Variants in MOV10 observed in about 807,000 individuals in gnomAD.
The protein encoded by MOV10 is RNA helicase MOV-10.
MOV10 carries 39 observed loss-of-function variants against 108.4 expected under a neutral mutation model. The ratio of observed to expected loss-of-function variants is 0.36; its 90% CI spans 0.28 to 0.47. The LOEUF is 0.47. Among genes scored for constraint, MOV10 ranks in the 20% least tolerant of loss-of-function variants. The pLI, the probability that MOV10 is intolerant of heterozygous loss-of-function variation, is 1.00. For synonymous variants in MOV10, 490 were observed against 523.1 expected (o/e 0.94, Z 0.86); for missense variants, 952 against 1,297.6 (o/e 0.73, Z 4.09).
intron 2 of MOV10, chr1:112,688,237 T>G (rs995250286): frequency 2.2e-6 from 1 of 451,838 alleles, no homozygotes; most frequent in African/African-American, 2.1e-5. Flanking sequence ...CCTCCGTAAG[T>G]GTTTGTTGAA....
Position 112,694,296 on chromosome 1 carries a change from G to C in MOV10, c.1295+124G>C, listed in dbSNP as rs1353820535. 1 of 1,435,262 alleles carries C rather than the reference G, an allele frequency of 7.0e-7. No individual in the cohort carries two copies. The highest frequency in any genetic ancestry group is 1.8e-5 in the Admixed American group (1 of 54,436). The allele number at this position is 1,435,262 out of a possible 1,614,324, so 88.9% of individuals were successfully genotyped here. ...GCAGAGCAGGAGACTTTTCCTCAGG[G>C]GTACCCTGAGATGCTACGGCAGCTT... On this transcript the variant is annotated intron_variant, in intron 8 of 20. Transcript: ENST00000369645. This position sits in a 1 kb window ranked among gnomAD's most constrained non-coding sequence, Gnocchi z 4.1.
Position 112,674,972 on chromosome 1 carries a change from C to T in MOV10, c.60C>T (p.Phe20=). 1.9e-6 allele frequency: 3 copies of T among 1,582,582 alleles called. No individual in the cohort carries two copies. The highest frequency in any genetic ancestry group is 2.6e-6 in the Non-Finnish European group (3 of 1,165,652). The change falls in exon 2 of 21, where the codon TTC becomes TTT. Residue 20 remains phenylalanine, a synonymous_variant. Coordinates refer to ENST00000369645, the MANE Select transcript of MOV10 (RefSeq NM_001321324.2). The part of the protein sequence containing the change: ...LREAGQCFES[F]LVVRGLDMET... ...AGGCGGGCCAGTGTTTCGAGAGTTT[C>T]CTGGTCGTTCGGGGACTGGACATGG...
chr1:112,698,703 C>A lies in MOV10; in HGVS notation c.2509-12C>A, dbSNP rs1416711469. On this transcript the variant is annotated splice_polypyrimidine_tract_variant and intron_variant, in intron 16 of 20. Transcript: ENST00000369645. ...ATGGCACGAGAGAAAGGCACCTGTC[C>A]CCTCCTTCCAGGTGGAGAAAATCCG... The A allele has an allele frequency of 6.2e-7, 1 of 1,612,430 alleles. No individual in the cohort carries two copies. The highest frequency in any genetic ancestry group is 2.2e-5 in the East Asian group (1 of 44,874).
chr1:112,686,417 CT>C (rs925710443), intron 2 of MOV10, among the ~76,000 whole-genome samples: 7 of 152,138 alleles, frequency 4.6e-5, no homozygotes, highest in African/African-American at 1.4e-4. Flanking sequence ...ATCCTGATAC[CT>C]GATTTTGAGA....
intron 2 of MOV10, chr1:112,688,625 C>T (rs1329226133): frequency 3.9e-6 from 5 of 1,269,140 alleles, no homozygotes; most frequent in Non-Finnish European, 5.0e-6. Context: ...TTATGTCTTT[C>T]TCTGTCTTCC....
At chr1:112,688,830 G>A in intron 2 of MOV10, 105 bp from the exon 3 acceptor site, 5 of 1,564,608 alleles carry the variant, frequency 3.2e-6, no homozygotes, top group Non-Finnish European at 4.3e-6. Flanking sequence ...AGCAGGGCTG[G>A]TGTGTCCAGC....
Position 112,690,045 on chromosome 1 carries a change from C to T in MOV10, c.783C>T (p.Ile261=). The change falls in exon 5 of 21, where the codon ATC becomes ATT. Residue 261 remains isoleucine, a synonymous_variant. Transcript: ENST00000369645. ...TGACTCCCTTCAAGCGGACCCGGATCACCGGAAACCCTGTGGTGACCAATC... is the reference window on the plus strand; with the variant it reads ...TGACTCCCTTCAAGCGGACCCGGATTACCGGAAACCCTGTGGTGACCAATC... The part of the protein sequence containing the change: ...KPMTPFKRTR[I]TGNPVVTNRI... 6.2e-7 allele frequency: 1 copy of T among 1,614,090 alleles called. No homozygotes were observed. The highest frequency in any genetic ancestry group is 8.5e-7 in the Non-Finnish European group (1 of 1,180,044).
chr1:112,695,070 G>A (rs1481977644), intron 10 of MOV10, among the ~76,000 whole-genome samples, 174 bp downstream of exon 10: 1 of 152,114 alleles, frequency 6.6e-6, no homozygotes, highest in Non-Finnish European at 1.5e-5. Context: ...AGCACTTGGG[G>A]AAGACTAGCC....
At position 112,694,387 on chromosome 1, in the gene MOV10, G is replaced by A. The variant is rs184988068; in HGVS notation, c.1296-66G>A. 1 of 1,595,214 alleles carries A rather than the reference G, an allele frequency of 6.3e-7. No individual in the cohort carries two copies. Among genetic ancestry groups the A allele is most frequent in the East Asian group, 2.2e-5 (1 of 44,758 alleles). ...GTTGGGACACTGGTTGGTGGAGAAAGTTCTGGCCCTTTATTGCCCACCTCC... is the reference window on the plus strand; with the variant it reads ...GTTGGGACACTGGTTGGTGGAGAAAATTCTGGCCCTTTATTGCCCACCTCC... On this transcript the variant is annotated intron_variant, in intron 8 of 20. Coordinates refer to ENST00000369645, the MANE Select transcript of MOV10 (RefSeq NM_001321324.2). The surrounding 1 kb of genome is among the most constrained non-coding windows in gnomAD (Gnocchi z 4.1).
intron 2 of MOV10, among the ~76,000 whole-genome samples, chr1:112,680,674 A>AAG (rs1553183530): frequency 6.7e-6 from 1 of 149,656 alleles, no homozygotes; most frequent in African/African-American, 2.4e-5. Context: ...AAAAAAAAAA[A>AAG]AAAACTTTTG....
At position 112,700,562 on chromosome 1, in the gene MOV10, C is replaced by G. The variant is rs763265949; in HGVS notation, c.*55C>G. 2 of 1,601,042 alleles carry G rather than the reference C, an allele frequency of 1.2e-6. No homozygotes were observed. Among genetic ancestry groups the G allele is most frequent in the African/African-American group, 1.3e-5 (1 of 74,596 alleles). On this transcript the variant is annotated 3_prime_UTR_variant, in exon 21 of 21. Transcript: ENST00000369645. ...CCAAGCCTTAACTGCCTGCCTGACCCTGAACCAGAACCCAGCTGAACTGCC... is the reference window on the plus strand; with the variant it reads ...CCAAGCCTTAACTGCCTGCCTGACCGTGAACCAGAACCCAGCTGAACTGCC...
intron 2 of MOV10, among the ~76,000 whole-genome samples, chr1:112,679,572 T>A (rs962542913): frequency 6.6e-6 from 1 of 151,992 alleles, no homozygotes; most frequent in South Asian, 2.1e-4. Flanking sequence ...TTGATGACAA[T>A]TCTGCAGATA....
In MOV10 at chr1:112,675,241, G is replaced by T. The variant is rs1345630907; in HGVS notation, c.137+192G>T. On this transcript the variant is annotated intron_variant, in intron 2 of 20. Coordinates refer to ENST00000369645, the MANE Select transcript of MOV10 (RefSeq NM_001321324.2). The surrounding 1 kb of genome is among the most constrained non-coding windows in gnomAD (Gnocchi z 4.7). ...GCCCCACCAGCGCCGCCCGGAGCCC[G>T]CCAGTTCTGCCCGAGCTGGGCCCCT... Among the ~76,000 whole-genome samples the T allele has an allele frequency of 6.6e-6, 1 of 151,958 alleles. No homozygotes were observed. The highest frequency in any genetic ancestry group is 1.5e-5 in the Non-Finnish European group (1 of 67,956).
Position 112,698,398 on chromosome 1 carries a change from C to T in MOV10, c.2428C>T (p.Leu810Phe), listed in dbSNP as rs1194451257. The change falls in exon 16 of 21, where the codon CTC becomes TTC. Residue 810 changes from leucine (L) to phenylalanine (F), a missense_variant. Physicochemically the swap from Leu to Phe is conservative, Grantham distance 22. Around this residue, in one of 5 missense-constraint regions of MOV10, gnomAD observed 453 missense variants for 611.5 expected, o/e 0.74. Transcript: ENST00000369645. ...CACAGTGACTTCCTACCTGAAGCTG[C>T]TCCTGGCCCCCTCCTCCAAGAAGGG... Reference protein sequence around the residue: ...AATVTSYLKLLLAPSSKKGKA... With the variant: ...AATVTSYLKLFLAPSSKKGKA... 5 of 1,614,122 alleles carry T rather than the reference C, an allele frequency of 3.1e-6. No homozygotes were observed. In the African/African-American group the frequency reaches 5.3e-5, roughly 17 times the overall value.
chr1:112,688,673 T>TC, intron 2 of MOV10: 1 of 1,368,910 alleles, frequency 7.3e-7, no homozygotes, highest in Admixed American at 3.1e-5. Flanking sequence ...ATTGGGCTTT[T>TC]CCCCTCAGAA....
intron 6 of MOV10, 128 bp downstream of exon 6, chr1:112,691,927 A>G (rs1673628016): frequency 2.0e-6 from 2 of 1,000,254 alleles, no homozygotes; most frequent in African/African-American, 3.2e-5. Context: ...AGCACGCACC[A>G]TACACCAAGC....
rs374810530 is a variant in MOV10 at position 112,691,444 on chromosome 1, A to AT, written c.837-214dup. Among the ~76,000 whole-genome samples, 488 of 152,204 alleles carry AT rather than the reference A, an allele frequency of 3.2e-3. 2 individuals are homozygous for AT. The highest frequency in any genetic ancestry group is 0.011 in the African/African-American group (467 of 41,530). ...ATATTTACTTATTACCTATTACCTG[A>AT]TTTTTTTCTCTAGTGATCATTTATT... On this transcript the variant is annotated intron_variant, in intron 5 of 20. Transcript: ENST00000369645.
At chr1:112,683,070 C>T (rs1570761063) in intron 2 of MOV10, among the ~76,000 whole-genome samples, 1 of 151,950 alleles carries the variant, frequency 6.6e-6, no homozygotes, top group East Asian at 1.9e-4. Flanking sequence ...CAGGTGCCTG[C>T]CACAACGCCT....
At chr1:112,680,812 C>T (rs949329451) in intron 2 of MOV10, among the ~76,000 whole-genome samples, 8 of 149,736 alleles carry the variant, frequency 5.3e-5, no homozygotes, top group Admixed American at 2.0e-4. Flanking sequence ...AAGCAATTCT[C>T]CTGCCTCAGC....
Sources: allele counts gnomAD v4.1 joint callset (sites outside exome capture counted in the v4.1 genomes callset), GRCh38; gene constraint gnomAD v4.1.1; regional missense constraint gnomAD v4.1.1; non-coding constraint Gnocchi (gnomAD v3.1); transcripts MANE v1.5; gene names NCBI Gene and HGNC (gene_info 2026-07-23, HGNC 2026-07-21).